Variants in PDE10A observed in about 807,000 individuals in gnomAD.
PDE10A encodes phosphodiesterase 10A.
PDE10A carries 39 observed loss-of-function variants against 97.7 expected under a neutral mutation model. That is an observed-to-expected ratio of 0.40 (90% CI 0.31 to 0.52). The LOEUF is 0.52. Ranked by LOEUF, PDE10A falls within the 20% of genes least tolerant of loss-of-function variation. The pLI is 0.56. For missense variants in PDE10A, 731 were observed against 1,047.8 expected, an observed-to-expected ratio of 0.70 and a Z score of 4.17; for synonymous variants, 371 against 376.8, an observed-to-expected ratio of 0.98 and a Z score of 0.18.
intron 2 of PDE10A, among the ~76,000 whole-genome samples, chr6:165,486,242 T>C (rs777208135): frequency 2.6e-5 from 4 of 152,224 alleles, no homozygotes; most frequent in African/African-American, 9.6e-5. Context: ...TGTGCACTTT[T>C]GTTGCCAACG....
intron 1 of PDE10A, among the ~76,000 whole-genome samples, chr6:165,883,545 A>T (rs554052238): frequency 1.5e-5 from 1 of 64,888 alleles, no homozygotes; most frequent in African/African-American, 5.5e-5. Flanking sequence ...GTCTCAAAAA[A>T]AAAAAAAATA....
chr6:165,484,439 T>G (rs190367338), intron 2 of PDE10A, among the ~76,000 whole-genome samples: 133 of 152,350 alleles, frequency 8.7e-4, no homozygotes, highest in African/African-American at 2.9e-3. Flanking sequence ...AGGTCAGCAG[T>G]GGCATTAGAT....
intron 1 of PDE10A, among the ~76,000 whole-genome samples, chr6:165,984,705 T>C (rs1433320101): frequency 3.5e-4 from 2 of 5,658 alleles, no homozygotes; most frequent in Non-Finnish European, 8.9e-4. Context: ...CAAATGCCAT[T>C]TTTTTTTTCA....
At chr6:165,486,019 G>GA (rs1196601544) in intron 2 of PDE10A, among the ~76,000 whole-genome samples, 1 of 152,202 alleles carries the variant, frequency 6.6e-6, no homozygotes, top group Non-Finnish European at 1.5e-5. Flanking sequence ...GCTGCAGTTC[G>GA]AAAGGTGGCA....
intron 3 of PDE10A, among the ~76,000 whole-genome samples, chr6:165,468,492 A>G (rs1259562115): frequency 2.0e-5 from 3 of 152,136 alleles, no homozygotes; most frequent in African/African-American, 7.2e-5. Context: ...GCGCTGAGAA[A>G]CCAAAAAATT....
chr6:165,641,528 C>T lies in PDE10A; in HGVS notation c.865+20419G>A, dbSNP rs149069406. Among the ~76,000 whole-genome samples the T allele has an allele frequency of 4.6e-4, 61 of 132,680 alleles. No individual in the cohort carries two copies. In the East Asian group the frequency reaches 0.015, roughly 32 times the overall value. The allele number at this position is 132,680 out of a possible 152,430, so 87.0% of individuals were successfully genotyped here. ...TTCAGTAATCTGGCAAATGCTTCCC[C>T]AGCAATGCTGGCTCTCAGAGGCAGA... On this transcript the variant is annotated intron_variant, in intron 1 of 21. Transcript: ENST00000539869.
intron 1 of PDE10A, among the ~76,000 whole-genome samples, chr6:165,587,951 T>C (rs1260339658): frequency 6.6e-6 from 1 of 152,200 alleles, no homozygotes; most frequent in Non-Finnish European, 1.5e-5. Flanking sequence ...CAAGATTCAT[T>C]ACGATGTTTG....
chr6:165,766,118 C>T (rs1777844908), intron 1 of PDE10A, among the ~76,000 whole-genome samples: 1 of 152,166 alleles, frequency 6.6e-6, no homozygotes, highest in Non-Finnish European at 1.5e-5. Context: ...GTCCCCTCAG[C>T]CCCTGATCCA....
At chr6:165,612,697 C>A (rs75474536) in intron 1 of PDE10A, among the ~76,000 whole-genome samples, 1,647 of 152,254 alleles carry the variant, frequency 0.011, 13 homozygotes, top group Non-Finnish European at 0.016. Flanking sequence ...GAGATGAATG[C>A]AAATTAAAGT....
At chr6:165,430,606 A>AACAT (rs35445883) in intron 8 of PDE10A, among the ~76,000 whole-genome samples, 20 of 152,064 alleles carry the variant, frequency 1.3e-4, no homozygotes, top group Admixed American at 1.2e-3. Context: ...ATGGACTTAT[A>AACAT]AAGATGTTAA....
chr6:165,359,281 C>T (rs771520963), intron 18 of PDE10A, among the ~76,000 whole-genome samples: 51 of 152,088 alleles, frequency 3.4e-4, no homozygotes, highest in Non-Finnish European at 6.8e-4. Context: ...CATGTTATTC[C>T]TGTCTGCTGA....
intron 1 of PDE10A, among the ~76,000 whole-genome samples, chr6:165,764,548 G>A (rs545207186): frequency 1.2e-3 from 177 of 152,196 alleles, no homozygotes; most frequent in African/African-American, 4.1e-3. Flanking sequence ...TCTGGTGTTC[G>A]GAGTTTCTTC....
At chr6:165,837,501 C>G (rs1231166012) in intron 1 of PDE10A, among the ~76,000 whole-genome samples, 3 of 152,044 alleles carry the variant, frequency 2.0e-5, no homozygotes, top group Admixed American at 6.6e-5. Flanking sequence ...AATCTTTTGC[C>G]CATGTTTTTA....
chr6:165,881,546 G>A (rs905654256), intron 1 of PDE10A, among the ~76,000 whole-genome samples: 4 of 147,592 alleles, frequency 2.7e-5, no homozygotes, highest in African/African-American at 5.0e-5. Flanking sequence ...CTACAGGTGC[G>A]CACCACCATG....
intron 1 of PDE10A, among the ~76,000 whole-genome samples, chr6:165,568,089 C>T (rs887861269): frequency 6.6e-6 from 1 of 151,452 alleles, no homozygotes; most frequent in African/African-American, 2.4e-5. Context: ...AGCTCCGCCT[C>T]CTGGGTTCAC....
At chr6:165,689,634 C>T (rs1253666632) in intron 1 of PDE10A, among the ~76,000 whole-genome samples, 2 of 152,168 alleles carry the variant, frequency 1.3e-5, no homozygotes, top group Non-Finnish European at 1.5e-5. Flanking sequence ...TCTCACTATG[C>T]GATGCACCAG....
At chr6:165,896,255 G>A (rs951818139) in intron 1 of PDE10A, among the ~76,000 whole-genome samples, 4 of 152,032 alleles carry the variant, frequency 2.6e-5, no homozygotes, top group East Asian at 3.9e-4. Context: ...AGATCTTGTC[G>A]TCCTACTAAA....
chr6:165,619,239 GTGGTGTAGTGTAGTC>G (rs1463790785), intron 1 of PDE10A, among the ~76,000 whole-genome samples: 1,182 of 111,128 alleles, frequency 0.011, 54 homozygotes, highest in African/African-American at 0.048. Flanking sequence ...GTAGACTAGT[GTGGTGTAGTGTAGTC>G]TAGTGTAGTG....
chr6:165,531,250 T>C (rs964949387), intron 2 of PDE10A, among the ~76,000 whole-genome samples: 15 of 151,940 alleles, frequency 9.9e-5, no homozygotes, highest in African/African-American at 3.4e-4. Context: ...TGCTTACTAT[T>C]TTTGCCCCAT....
Sources: allele counts gnomAD v4.1 joint callset (sites outside exome capture counted in the v4.1 genomes callset), GRCh38; gene constraint gnomAD v4.1.1; transcripts MANE v1.5; gene names NCBI Gene and HGNC (gene_info 2026-07-23, HGNC 2026-07-21).